The following CSMD1 variants were observed in gnomAD, a reference collection of about 807,000 sequenced individuals.
CSMD1 encodes the protein CUB and Sushi multiple domains 1, also known as CUB and sushi domain-containing protein 1.
Under a neutral mutation model 417.5 loss-of-function variants are expected in CSMD1, and 213 were observed. The ratio of observed to expected loss-of-function variants is 0.51; its 90% CI spans 0.46 to 0.57. The LOEUF is 0.57. CSMD1 is among the 20% of genes least tolerant of loss of function. The pLI is 0.00. For missense variants in CSMD1, 6,923 were observed against 4,529.7 expected (o/e 1.53, Z -15.17); for synonymous variants, 2,862 against 1,736.8 (o/e 1.65, Z -16.11).
At chr8:3,997,603 C>A (rs1226672179) in intron 5 of CSMD1, among the ~76,000 whole-genome samples, 1 of 152,152 alleles carries the variant, frequency 6.6e-6, no homozygotes, top group Non-Finnish European at 1.5e-5. Flanking sequence ...AGCTTCAGAC[C>A]AAACCCAAAA....
At chr8:4,309,426 T>C (rs1383719931) in intron 3 of CSMD1, among the ~76,000 whole-genome samples, 1 of 151,802 alleles carries the variant, frequency 6.6e-6, no homozygotes, top group East Asian at 1.9e-4. Flanking sequence ...GAAATTAAAT[T>C]CAAAATTTTT....
chr8:4,808,572 C>T (rs1798718106), intron 1 of CSMD1, among the ~76,000 whole-genome samples: 1 of 152,142 alleles, frequency 6.6e-6, no homozygotes, highest in African/African-American at 2.4e-5. Context: ...TTCCTAGACA[C>T]TTATCATAAT....
chr8:4,370,723 C>T (rs1267663750), intron 3 of CSMD1, among the ~76,000 whole-genome samples: 1 of 152,150 alleles, frequency 6.6e-6, no homozygotes, highest in African/African-American at 2.4e-5. Flanking sequence ...GTCTGTTATA[C>T]AGTTAATGTC....
rs114041022 is a variant in CSMD1, at chr8:4,604,097, C to T, written c.302+33245G>A. ...TTAGTTGTTATCATAGACAGATAAA[C>T]AATTTTTTATTCTTTTTCTTTCCAC... On this transcript the variant is annotated intron_variant, in intron 2 of 69. Transcript: ENST00000635120. Among the ~76,000 whole-genome samples the T allele has an allele frequency of 4.3e-3, 661 of 152,014 alleles. 4 individuals are homozygous for T. The highest frequency in any genetic ancestry group is 0.015 in the African/African-American group (635 of 41,496).
At chr8:3,707,185 G>A (rs1333486344) in intron 7 of CSMD1, among the ~76,000 whole-genome samples, 2 of 152,210 alleles carry the variant, frequency 1.3e-5, no homozygotes, top group African/African-American at 2.4e-5. Context: ...TGATAAAGAT[G>A]TAGGTCAATC....
intron 3 of CSMD1, among the ~76,000 whole-genome samples, chr8:4,334,973 C>A (rs891530697): frequency 5.3e-5 from 8 of 152,262 alleles, no homozygotes; most frequent in Admixed American, 1.3e-4. Flanking sequence ...AAACCAGTGT[C>A]CTCCAGGCTT....
chr8:4,259,134 A>G (rs1246487676), intron 3 of CSMD1, among the ~76,000 whole-genome samples: 2 of 152,170 alleles, frequency 1.3e-5, no homozygotes, highest in African/African-American at 4.8e-5. Context: ...AGAGCTAATT[A>G]GGCCTACCTC....
rs377328103 is a variant in CSMD1, at chr8:3,959,400, G to A, written c.818+38503C>T. 6.5e-4 allele frequency among the ~76,000 whole-genome samples: 99 copies of A among 152,334 alleles called. 1 individual carries two copies. The Middle Eastern group carries it at 0.024, about 37-fold the overall frequency. ...TGTAGTACCAGCTACTCAAGAGGCT[G>A]AAGTGGGAAGATCACTTGAACCTGG... is the stretch of plus-strand genomic sequence containing the variant. On this transcript the variant is annotated intron_variant, in intron 5 of 69. Coordinates refer to ENST00000635120, the MANE Select transcript of CSMD1 (RefSeq NM_033225.6).
chr8:4,343,934 T>C (rs2128896581), intron 3 of CSMD1, among the ~76,000 whole-genome samples: 1 of 152,230 alleles, frequency 6.6e-6, no homozygotes, highest in South Asian at 2.1e-4. Context: ...GAGAAGTGTT[T>C]TAAAAATTAT....
chr8:3,927,690 G>A (rs1413666118), intron 5 of CSMD1, among the ~76,000 whole-genome samples: 1 of 151,814 alleles, frequency 6.6e-6, no homozygotes. Context: ...GAAAAGAAAA[G>A]AAAACAATTA....
chr8:3,225,155 A>C (rs1395788396), intron 27 of CSMD1, among the ~76,000 whole-genome samples: 1 of 152,202 alleles, frequency 6.6e-6, no homozygotes, highest in Non-Finnish European at 1.5e-5. Context: ...ACAATTTTCA[A>C]TAAGGAGTGC....
intron 5 of CSMD1, among the ~76,000 whole-genome samples, chr8:3,960,158 G>C (rs540095886): frequency 6.6e-6 from 1 of 152,068 alleles, no homozygotes; most frequent in Non-Finnish European, 1.5e-5. Flanking sequence ...TTTTTACAGC[G>C]TATCTTCTTG....
At chr8:3,907,603 G>T (rs1371055463) in intron 5 of CSMD1, among the ~76,000 whole-genome samples, 1 of 152,178 alleles carries the variant, frequency 6.6e-6, no homozygotes, top group African/African-American at 2.4e-5. Flanking sequence ...CCAACATCAT[G>T]AAAAACAAGC....
At chr8:3,514,414 A>C (rs1585285412) in intron 10 of CSMD1, among the ~76,000 whole-genome samples, 1 of 152,160 alleles carries the variant, frequency 6.6e-6, no homozygotes. Context: ...TGATTACATA[A>C]TGTCTTGCAA....
intron 18 of CSMD1, among the ~76,000 whole-genome samples, chr8:3,380,922 A>C (rs1308038826): frequency 6.6e-6 from 1 of 152,162 alleles, no homozygotes; most frequent in Non-Finnish European, 1.5e-5. Context: ...TAGATAGTAA[A>C]ATATTTTAAA....
intron 10 of CSMD1, among the ~76,000 whole-genome samples, chr8:3,532,553 C>T (rs1215569694): frequency 1.3e-5 from 2 of 152,104 alleles, no homozygotes; most frequent in East Asian, 1.9e-4. Flanking sequence ...GAGAAATGGA[C>T]GTAGGTTCAA....
At chr8:4,054,016 A>C (rs140025823) in intron 3 of CSMD1, among the ~76,000 whole-genome samples, 34 of 152,304 alleles carry the variant, frequency 2.2e-4, no homozygotes, top group African/African-American at 8.2e-4. Context: ...GTTTTCCCCA[A>C]CATGGCCACA....
In CSMD1 at chr8:3,599,008, G is replaced by A. The variant is rs937959056; in HGVS notation, c.1098-12748C>T. Among the ~76,000 whole-genome samples, 4 of 152,154 alleles carry A rather than the reference G, an allele frequency of 2.6e-5. No homozygotes were observed. The South Asian group carries it at 8.3e-4, about 31-fold the overall frequency. ...AGAGAGGAGAATTCCGTGAATGTGG[G>A]AGGTAGGGGTTGCAGTGAGCAGAGC... On this transcript the variant is annotated intron_variant, in intron 8 of 69. Coordinates refer to ENST00000635120, the MANE Select transcript of CSMD1 (RefSeq NM_033225.6).
At position 4,663,665 on chromosome 8, in the gene CSMD1, C is replaced by G. The variant is rs951455509; in HGVS notation, c.86-26107G>C. Among the ~76,000 whole-genome samples the G allele has an allele frequency of 2.8e-4, 42 of 152,294 alleles. 1 individual carries two copies. Among genetic ancestry groups the G allele is most frequent in the Admixed American group, 2.0e-3 (30 of 15,294 alleles). ...ATGATTGTTTTAAGTTCCCTGAGACCTCCCCAGCCATGCTTCCGGTCCAGC... is the reference window on the plus strand; with the variant it reads ...ATGATTGTTTTAAGTTCCCTGAGACGTCCCCAGCCATGCTTCCGGTCCAGC... On this transcript the variant is annotated intron_variant, in intron 1 of 69. Transcript: ENST00000635120.
Sources: gnomAD v4.1 joint callset for allele counts (sites outside exome capture counted in the v4.1 genomes callset) on GRCh38, gnomAD v4.1.1 for gene constraint, MANE v1.5 for transcripts, NCBI Gene and HGNC (gene_info 2026-07-23, HGNC 2026-07-21) for gene names.